Variants in RBFOX1 observed in about 807,000 individuals in gnomAD.
RBFOX1 encodes RNA binding protein fox-1 homolog 1.
RBFOX1 carries 8 observed loss-of-function variants against 57.7 expected under a neutral mutation model. The ratio of observed to expected loss-of-function variants is 0.14; its 90% CI spans 0.08 to 0.25. The LOEUF (loss-of-function observed/expected upper bound fraction) is 0.25. Ranked by LOEUF, RBFOX1 falls within the 10% of genes least tolerant of loss-of-function variation. The pLI is 1.00. For missense variants in RBFOX1, 611 were observed against 548.5 expected (o/e 1.11, Z -1.14); for synonymous variants, 326 against 222.4 (o/e 1.47, Z -4.15).
intron 3 of RBFOX1, among the ~76,000 whole-genome samples, chr16:6,663,072 G>A (rs1198719183): frequency 6.6e-6 from 1 of 152,188 alleles, no homozygotes; most frequent in African/African-American, 2.4e-5. Context: ...GTGTGCAGGA[G>A]GGAACCAGAA....
intron 4 of RBFOX1, among the ~76,000 whole-genome samples, chr16:7,189,931 C>CT (rs1424512575): frequency 6.6e-6 from 1 of 152,220 alleles, no homozygotes; most frequent in Non-Finnish European, 1.5e-5. Flanking sequence ...AATAGAAGAG[C>CT]TTGGGCAAGA....
At chr16:7,210,819 G>C (rs1306373899) in intron 4 of RBFOX1, among the ~76,000 whole-genome samples, 3 of 152,008 alleles carry the variant, frequency 2.0e-5, no homozygotes, top group African/African-American at 7.3e-5. Context: ...CAAGTCTAGA[G>C]ATCCAATGTA....
At chr16:7,487,298 TA>T (rs2065671848) in intron 4 of RBFOX1, among the ~76,000 whole-genome samples, 1 of 152,172 alleles carries the variant, frequency 6.6e-6, no homozygotes, top group South Asian at 2.1e-4. Context: ...TTATCTCAAA[TA>T]GCGGCCCCAT....
rs73528605 is a variant in RBFOX1, at chr16:5,467,156, A to C, written c.220-60A>C. ...AAACAAAGCCAAAGCAATTGTTTCAATGTAGACTCAATGTTTCTTCTCTCT... is the reference window on the plus strand; with the variant it reads ...AAACAAAGCCAAAGCAATTGTTTCACTGTAGACTCAATGTTTCTTCTCTCT... On this transcript the variant is annotated intron_variant, in intron 1 of 2. Transcript: ENST00000585867. 3.6e-6 allele frequency: 5 copies of C among 1,407,782 alleles called. No homozygotes were observed. The African/African-American group carries it at 7.3e-5, about 21-fold the overall frequency. 87.2% of individuals were successfully genotyped at this position (1,407,782 alleles called of 1,614,324 possible).
intron 2 of RBFOX1, among the ~76,000 whole-genome samples, chr16:6,537,626 G>T (rs2096753396): frequency 6.6e-6 from 1 of 152,134 alleles, no homozygotes; most frequent in African/African-American, 2.4e-5. Flanking sequence ...GCCCTGAAAT[G>T]CAGTTTATTT....
intron 2 of RBFOX1, among the ~76,000 whole-genome samples, chr16:5,506,948 C>T (rs534844374): frequency 7.6e-4 from 116 of 152,212 alleles, no homozygotes; most frequent in African/African-American, 2.7e-3. Context: ...CAAGTCTTGA[C>T]TCAAAAGCCC....
chr16:6,077,684 T>TTTTTATTTATTTATTTATTTA (rs1555499152), intron 1 of RBFOX1, among the ~76,000 whole-genome samples: 2 of 142,742 alleles, frequency 1.4e-5, no homozygotes, highest in South Asian at 4.3e-4. Flanking sequence ...CTTCTTTTAT[T>TTTTTATTTATTTATTTATTTA]TTTACTTATT....
intron 3 of RBFOX1, among the ~76,000 whole-genome samples, chr16:6,942,026 T>A (rs2078625444): frequency 6.6e-6 from 1 of 152,038 alleles, no homozygotes; most frequent in South Asian, 2.1e-4. Context: ...ATTAGGAGTT[T>A]GAGAGCAGCC....
At chr16:6,239,994 T>A (rs1317389249) in intron 1 of RBFOX1, among the ~76,000 whole-genome samples, 1 of 152,070 alleles carries the variant, frequency 6.6e-6, no homozygotes, top group African/African-American at 2.4e-5. Flanking sequence ...GGTGTTTCGG[T>A]CATCGGAGTG....
At chr16:6,421,462 A>G (rs79050241) in intron 2 of RBFOX1, among the ~76,000 whole-genome samples, 2,575 of 152,274 alleles carry the variant, frequency 0.017, 68 homozygotes, top group African/African-American at 0.057. Flanking sequence ...TCTGAATCAG[A>G]ATTTTGTCGT....
intron 4 of RBFOX1, among the ~76,000 whole-genome samples, chr16:7,403,572 C>CA (rs957298313): frequency 1.4e-5 from 2 of 146,742 alleles, no homozygotes; most frequent in East Asian, 2.2e-4. Context: ...TCCCCCCCCC[C>CA]CCACTTTTTT....
intron 2 of RBFOX1, among the ~76,000 whole-genome samples, chr16:5,476,356 C>A (rs2069323926): frequency 1.3e-5 from 2 of 152,276 alleles, no homozygotes; most frequent in Admixed American, 1.3e-4. Flanking sequence ...CTTATATGCT[C>A]CAAACTGGAG....
intron 2 of RBFOX1, among the ~76,000 whole-genome samples, chr16:6,382,094 T>C (rs2091869593): frequency 6.6e-6 from 1 of 152,258 alleles, no homozygotes; most frequent in Non-Finnish European, 1.5e-5. Context: ...TGGGTGTGGC[T>C]GTGTTCCAAT....
chr16:7,078,807 C>T (rs376625237), intron 4 of RBFOX1, among the ~76,000 whole-genome samples: 7 of 147,682 alleles, frequency 4.7e-5, no homozygotes, highest in Admixed American at 1.4e-4. Context: ...CTCATCCTCC[C>T]GAGTAGCTGG....
intron 3 of RBFOX1, among the ~76,000 whole-genome samples, chr16:6,726,072 C>A (rs1391675093): frequency 6.6e-6 from 1 of 152,106 alleles, no homozygotes; most frequent in Admixed American, 6.5e-5. Flanking sequence ...TTGACTCCTA[C>A]GTGATTATGT....
intron 11 of RBFOX1, among the ~76,000 whole-genome samples, chr16:7,651,525 C>G (rs537641330): frequency 6.6e-6 from 1 of 152,166 alleles, no homozygotes; most frequent in East Asian, 1.9e-4. Context: ...CTTCTGCAAC[C>G]CTCACCTGGG....
chr16:6,803,823 C>T (rs1248529807), intron 3 of RBFOX1, among the ~76,000 whole-genome samples: 5 of 152,138 alleles, frequency 3.3e-5, no homozygotes, highest in Non-Finnish European at 7.4e-5. Flanking sequence ...TCACAGGCTA[C>T]ATTTCTAATT....
intron 1 of RBFOX1, among the ~76,000 whole-genome samples, chr16:6,205,100 C>T (rs1315684978): frequency 6.6e-6 from 1 of 151,908 alleles, no homozygotes; most frequent in African/African-American, 2.4e-5. Context: ...GTCACCAGGC[C>T]CTCTCTGTAG....
intron 2 of RBFOX1, among the ~76,000 whole-genome samples, chr16:6,364,806 C>A (rs1036095967): frequency 6.6e-6 from 1 of 152,212 alleles, no homozygotes; most frequent in Admixed American, 6.5e-5. Flanking sequence ...TTGTTTCCCT[C>A]TGCCTGGTTG....
Sources: gnomAD v4.1 joint callset for allele counts (sites outside exome capture counted in the v4.1 genomes callset) on GRCh38, gnomAD v4.1.1 for gene constraint, MANE v1.5 for transcripts, NCBI Gene and HGNC (gene_info 2026-07-23, HGNC 2026-07-21) for gene names.